PRKCH: variants seen among roughly 807,000 people sequenced by gnomAD.
The protein encoded by PRKCH is protein kinase C eta type.
Under a neutral mutation model 82.5 loss-of-function variants are expected in PRKCH, and 28 were observed. That is an observed-to-expected ratio of 0.34 (90% CI 0.25 to 0.47). The LOEUF is 0.47. Ranked by LOEUF, PRKCH falls within the 20% of genes least tolerant of loss-of-function variation. The pLI, the probability that PRKCH is intolerant of heterozygous loss-of-function variation, is 1.00. For synonymous variants in PRKCH, 322 were observed against 327.4 expected, an observed-to-expected ratio of 0.98 and a Z score of 0.18; for missense variants, 705 against 881.8, an observed-to-expected ratio of 0.80 and a Z score of 2.54.
chr14:61,292,763 T>C (rs1594895049), intron 1 of PRKCH, among the ~76,000 whole-genome samples: 1 of 92,092 alleles, frequency 1.1e-5, no homozygotes, highest in Non-Finnish European at 2.0e-5. Context: ...AGAGTGAGAC[T>C]CCATCTCCAA....
chr14:61,246,027 G>A (rs1337000890), intron 1 of PRKCH, among the ~76,000 whole-genome samples: 1 of 152,112 alleles, frequency 6.6e-6, no homozygotes, highest in Non-Finnish European at 1.5e-5. Flanking sequence ...CTCTTTAGGA[G>A]GGTCCTTCGC....
At position 61,209,418 on chromosome 14, in the gene PRKCH, G is replaced by T. The variant is rs190824261; in HGVS notation, c.-19+21750G>T. Among the ~76,000 whole-genome samples, 324 of 151,414 alleles carry T rather than the reference G, an allele frequency of 2.1e-3. No individual in the cohort carries two copies. In the Middle Eastern group the frequency reaches 0.028, roughly 13 times the overall value. On this transcript the variant is annotated intron_variant, in intron 1 of 3. Transcript: ENST00000555185. ...GATCTTGGATTCCAGCTTCCAGAACGGTAAGAAATAAATGTCTGTTCTTTA... is the reference window on the plus strand; with the variant it reads ...GATCTTGGATTCCAGCTTCCAGAACTGTAAGAAATAAATGTCTGTTCTTTA...
At chr14:61,490,864 G>A (rs1040206226) in intron 10 of PRKCH, among the ~76,000 whole-genome samples, 1 of 152,094 alleles carries the variant, frequency 6.6e-6, no homozygotes, top group African/African-American at 2.4e-5. Flanking sequence ...GTTGCAGTGA[G>A]CCAAAATTGC....
At chr14:61,193,759 G>A (rs973011891) in intron 1 of PRKCH, among the ~76,000 whole-genome samples, 2 of 152,174 alleles carry the variant, frequency 1.3e-5, no homozygotes, top group Non-Finnish European at 2.9e-5. Flanking sequence ...AGGGTTTATT[G>A]TAGGGATACA....
chr14:61,401,828 AT>A (rs1275762540), intron 2 of PRKCH, among the ~76,000 whole-genome samples: 1 of 152,244 alleles, frequency 6.6e-6, no homozygotes, highest in Non-Finnish European at 1.5e-5. Flanking sequence ...CACTTGTGTG[AT>A]TGAGTTGTTA....
At chr14:61,415,918 A>G (rs1016699430) in intron 2 of PRKCH, among the ~76,000 whole-genome samples, 8 of 152,184 alleles carry the variant, frequency 5.3e-5, no homozygotes, top group African/African-American at 1.7e-4. Context: ...AGTACCTCCT[A>G]TAAGTGGAAT....
intron 1 of PRKCH, among the ~76,000 whole-genome samples, chr14:61,255,703 A>G (rs2044991286): frequency 6.6e-6 from 1 of 152,208 alleles, no homozygotes; most frequent in Non-Finnish European, 1.5e-5. Flanking sequence ...TTATAATAAT[A>G]TATAAATACT....
At chr14:61,535,353 GA>G (rs1355045380) in intron 12 of PRKCH, among the ~76,000 whole-genome samples, 2 of 152,040 alleles carry the variant, frequency 1.3e-5, no homozygotes, top group African/African-American at 2.4e-5. Context: ...AATTTAATGA[GA>G]AAAAAATAAA....
intron 1 of PRKCH, among the ~76,000 whole-genome samples, chr14:61,356,527 T>G (rs985304483): frequency 1.3e-5 from 2 of 152,172 alleles, no homozygotes; most frequent in Admixed American, 6.5e-5. Flanking sequence ...ATATTTTGAG[T>G]GTCAGTTGAT....
chr14:61,457,613 A>G lies in PRKCH; in HGVS notation c.1212A>G (p.Lys404=), dbSNP rs1208097341. Residue 404 remains lysine, a synonymous_variant, in exon 9 of 14, where the codon AAA becomes AAG. Coordinates refer to ENST00000332981, the MANE Select transcript of PRKCH (RefSeq NM_006255.5). ...DDDVECTMTE[K]RILSLARNHP... ...ATGTGGAATGCACCATGACCGAGAA[A>G]AGGATCCTGTCTCTGGCCCGCAATC... 6 of 1,613,978 alleles carry G rather than the reference A, an allele frequency of 3.7e-6. No homozygotes were observed. Among genetic ancestry groups the G allele is most frequent in the Non-Finnish European group, 5.1e-6 (6 of 1,180,002 alleles).
chr14:61,315,587 T>G (rs1378398088), intron 1 of PRKCH, among the ~76,000 whole-genome samples: 1 of 152,186 alleles, frequency 6.6e-6, no homozygotes, highest in African/African-American at 2.4e-5. Flanking sequence ...TTAATTATTT[T>G]ATCTTCAGAG....
chr14:61,328,142 C>T (rs370933732), intron 1 of PRKCH, among the ~76,000 whole-genome samples: 2 of 149,694 alleles, frequency 1.3e-5, no homozygotes, highest in African/African-American at 2.5e-5. Flanking sequence ...CCCAGCTACT[C>T]GGGAGGCTGA....
At chr14:61,429,337 A>G (rs1302149449) in intron 2 of PRKCH, among the ~76,000 whole-genome samples, 1 of 152,252 alleles carries the variant, frequency 6.6e-6, no homozygotes, top group Non-Finnish European at 1.5e-5. Flanking sequence ...ATAGAAACCT[A>G]TAGAACTGAG....
chr14:61,461,280 C>T (rs1457271213), intron 9 of PRKCH, among the ~76,000 whole-genome samples: 1 of 152,190 alleles, frequency 6.6e-6, no homozygotes, highest in Non-Finnish European at 1.5e-5. Context: ...ACTTTGCCAA[C>T]GTAAAGCCCC....
rs2045241860 is a variant in PRKCH, at chr14:61,280,028, A to G, written c.-19+92360A>G. 4.3e-6 allele frequency: 6 copies of G among 1,396,070 alleles called. No individual in the cohort carries two copies. Among genetic ancestry groups the G allele is most frequent in the Non-Finnish European group, 5.8e-6 (6 of 1,034,508 alleles). The allele number at this position is 1,396,070 out of a possible 1,614,324, so 86.5% of individuals were successfully genotyped here. ...TGGAATTGGGTGACGGGCGAGGAGG[A>G]GATGCCAAAAGCACCTTGCAAGAGT... On this transcript the variant is annotated intron_variant, in intron 1 of 3. Coordinates refer to the PRKCH transcript ENST00000555185. This position sits in a 1 kb window ranked among gnomAD's most constrained non-coding sequence, Gnocchi z 5.0.
At chr14:61,402,171 C>A (rs1024885270) in intron 2 of PRKCH, among the ~76,000 whole-genome samples, 1 of 152,150 alleles carries the variant, frequency 6.6e-6, no homozygotes, top group Non-Finnish European at 1.5e-5. Context: ...AAGATGACTT[C>A]CAATGATTCA....
At chr14:61,531,122 G>T (rs1336623502) in intron 12 of PRKCH, among the ~76,000 whole-genome samples, 1 of 152,216 alleles carries the variant, frequency 6.6e-6, no homozygotes, top group Non-Finnish European at 1.5e-5. Context: ...CGCCCAGGCT[G>T]CAGGTGCAAT....
chr14:61,536,829 G>A (rs1365404527), intron 12 of PRKCH, among the ~76,000 whole-genome samples: 1 of 151,998 alleles, frequency 6.6e-6, no homozygotes, highest in African/African-American at 2.4e-5. Context: ...GTCCCCACAG[G>A]CCCTCCCTGT....
intron 10 of PRKCH, among the ~76,000 whole-genome samples, chr14:61,504,737 A>G (rs900958386): frequency 2.6e-5 from 4 of 152,184 alleles, no homozygotes; most frequent in Admixed American, 2.6e-4. Flanking sequence ...AACATCAGTC[A>G]CTACCTTAGT....
Sources: gnomAD v4.1 joint callset for allele counts (sites outside exome capture counted in the v4.1 genomes callset) on GRCh38, gnomAD v4.1.1 for gene constraint, Gnocchi (gnomAD v3.1) non-coding constraint, MANE v1.5 for transcripts, NCBI Gene and HGNC (gene_info 2026-07-23, HGNC 2026-07-21) for gene names.